The following GOLGA3 variants were observed in gnomAD, a reference collection of about 807,000 sequenced individuals.
The protein encoded by GOLGA3 is golgin A3, also known as golgin subfamily A member 3.
In GOLGA3, 75 loss-of-function variants were observed where a neutral mutation model predicts 169.4. That is an observed-to-expected ratio of 0.44 (90% CI 0.37 to 0.54). The LOEUF is 0.54. Among genes scored for constraint, GOLGA3 ranks in the 20% least tolerant of loss-of-function variants. The pLI, the probability that GOLGA3 is intolerant of heterozygous loss-of-function variation, is 0.00. For synonymous variants in GOLGA3, 824 were observed against 822.4 expected (o/e 1.00, Z -0.03); for missense variants, 1,899 against 1,930.0 (o/e 0.98, Z 0.30).
chr12:132,806,856 A>G (rs906533444), intron 6 of GOLGA3, among the ~76,000 whole-genome samples: 1 of 152,196 alleles, frequency 6.6e-6, no homozygotes, highest in Admixed American at 6.5e-5. Context: ...ACTACAAAGA[A>G]AAAAGGTTCA....
At chr12:132,782,615 GC>G in intron 16 of GOLGA3, 122 bp from the exon 17 acceptor site, 2 of 764,712 alleles carry the variant, frequency 2.6e-6, no homozygotes, top group Non-Finnish European at 4.5e-6. Flanking sequence ...AGAGGCTCAC[GC>G]CTGTAATCAC....
intron 6 of GOLGA3, among the ~76,000 whole-genome samples, chr12:132,805,641 C>A (rs986780777): frequency 5.9e-5 from 9 of 151,846 alleles, no homozygotes; most frequent in Admixed American, 4.6e-4. Context: ...GACCCCCAGG[C>A]GCTCTCCCAG....
At chr12:132,826,397 C>A (rs1011572389) in intron 1 of GOLGA3, among the ~76,000 whole-genome samples, 1 of 152,104 alleles carries the variant, frequency 6.6e-6, no homozygotes, top group Non-Finnish European at 1.5e-5. Context: ...CAGAGGAGAA[C>A]TGCTGCAGAG....
chr12:132,791,271 G>A lies in GOLGA3; in HGVS notation c.2492C>T (p.Thr831Ile), dbSNP rs1447149168. The A allele has an allele frequency of 6.2e-7, 1 of 1,605,602 alleles. No homozygotes were observed. The highest frequency in any genetic ancestry group is 2.2e-5 in the East Asian group (1 of 44,798). Residue 831 changes from threonine (T) to isoleucine (I), a missense_variant, in exon 12 of 24, where the codon ACT (threonine) becomes ATT (isoleucine). Thr to Ile is a moderately conservative substitution (Grantham distance 89). Coordinates refer to ENST00000450791, the MANE Select transcript of GOLGA3 (RefSeq NM_001389683.1). ...TTGCATTTGCTTTTTCAGAGCAGCA[G>A]TCTCCTGCTGCAGGTGTTCCACCTG... Reference protein sequence around the residue: ...SGQVEHLQQETAALKKQMQKI... With the variant: ...SGQVEHLQQEIAALKKQMQKI...
chr12:132,809,383 CAG>C (rs1566126764), intron 4 of GOLGA3, among the ~76,000 whole-genome samples: 2 of 152,090 alleles, frequency 1.3e-5, no homozygotes, highest in Non-Finnish European at 2.9e-5. Context: ...GGTGGAGGAG[CAG>C]AGTCTTCTCT....
rs1018248990 is a variant in GOLGA3 at position 132,770,078 on chromosome 12, C to T, written c.*3027G>A. The T allele has an allele frequency of 2.0e-5, 3 of 152,096 alleles. No individual in the cohort carries two copies. The highest frequency in any genetic ancestry group is 2.1e-4 in the South Asian group (1 of 4,800). The allele number at this position is 152,096 out of a possible 1,614,324, so 9.4% of individuals were successfully genotyped here. On this transcript the variant is annotated 3_prime_UTR_variant, in exon 24 of 24. Transcript: ENST00000450791. ...GTGGAACTCCACCCCTCTAAAAATA[C>T]AAAAATTAGGCTGGTGTGGTGGCGG...
chr12:132,781,631 G>A (rs906226687), intron 17 of GOLGA3, among the ~76,000 whole-genome samples: 1 of 152,098 alleles, frequency 6.6e-6, no homozygotes, highest in African/African-American at 2.4e-5. Context: ...CTGCAGCCGG[G>A]TACAAAAAGA....
intron 16 of GOLGA3, chr12:132,783,722 C>G (rs977259958): frequency 3.7e-6 from 1 of 273,528 alleles, no homozygotes; most frequent in Non-Finnish European, 6.7e-6. Context: ...GGACTACAGG[C>G]ACCCGCCACC....
Position 132,822,053 on chromosome 12 carries a change from C to T in GOLGA3, c.76G>A (p.Ala26Thr), listed in dbSNP as rs370638479. Residue 26 changes from alanine to threonine, a missense_variant, in exon 2 of 24, where the codon GCC becomes ACC. Transcript: ENST00000450791. ...AGTGGGCCCGGGGGCTTCAGTGGGG[C>T]CTCGGGGAGAGACGAGGGGCCACTG... Reference protein sequence around the residue: ...SHSGPSSLPEAPLKPPGPLVP... With the variant: ...SHSGPSSLPETPLKPPGPLVP... The T allele has an allele frequency of 4.4e-5, 71 of 1,606,700 alleles. No individual in the cohort carries two copies. Among genetic ancestry groups the T allele is most frequent in the African/African-American group, 6.7e-5 (5 of 74,220 alleles).
At chr12:132,799,025 A>C (rs1949007316) in intron 8 of GOLGA3, among the ~76,000 whole-genome samples, 1 of 152,220 alleles carries the variant, frequency 6.6e-6, no homozygotes, top group Non-Finnish European at 1.5e-5. Context: ...GGCGTCAGCC[A>C]AGGGAAGTAG....
intron 4 of GOLGA3, among the ~76,000 whole-genome samples, chr12:132,810,440 C>T (rs909717445): frequency 3.9e-5 from 6 of 152,098 alleles, no homozygotes; most frequent in African/African-American, 1.2e-4. Context: ...AATAGTTATA[C>T]CAGATATAGA....
intron 11 of GOLGA3, among the ~76,000 whole-genome samples, chr12:132,795,380 A>G (rs1043293602): frequency 1.3e-5 from 2 of 151,880 alleles, no homozygotes; most frequent in African/African-American, 4.8e-5. Context: ...TAATCCCAGC[A>G]CTGTGGGAGA....
At chr12:132,825,692 G>A in intron 1 of GOLGA3, 1 of 1,169,052 alleles carries the variant, frequency 8.6e-7, no homozygotes, top group Non-Finnish European at 1.3e-6. Flanking sequence ...TTTTTCAGTG[G>A]CCGGGAAGAT....
intron 23 of GOLGA3, 27 bp downstream of exon 23, chr12:132,774,130 G>T: frequency 6.5e-7 from 1 of 1,542,378 alleles, no homozygotes. Context: ...AAGACTAGCT[G>T]AAGTGCAGCA....
At chr12:132,828,513 G>C (rs1950518664) in intron 1 of GOLGA3, 1 of 152,334 alleles carries the variant, frequency 6.6e-6, no homozygotes. Flanking sequence ...AGTGGTGGCA[G>C]TGGACAGCTT....
rs150299403 is a variant in GOLGA3, at chr12:132,791,287, G to A, written c.2476C>T (p.His826Tyr). ...ELAIKSGQVE[H>Y]LQQETAALKK... ...AGAGCAGCAGTCTCCTGCTGCAGGT[G>A]TTCCACCTGTGGGAGACATGTGCAC... The change falls in exon 12 of 24, where the codon CAC (histidine) becomes TAC (tyrosine). Residue 826 changes from histidine to tyrosine, a missense_variant. By Grantham distance (83) the His-to-Tyr change is moderately conservative. Coordinates refer to ENST00000450791, the MANE Select transcript of GOLGA3 (RefSeq NM_001389683.1). The A allele has an allele frequency of 1.8e-4, 280 of 1,593,362 alleles. 1 individual carries two copies. Among genetic ancestry groups the A allele is most frequent in the Non-Finnish European group, 2.4e-4 (275 of 1,163,420 alleles).
At chr12:132,827,880 C>A (rs1423409204) in intron 1 of GOLGA3, 10 of 145,836 alleles carry the variant, frequency 6.9e-5, no homozygotes, top group African/African-American at 2.6e-4. Flanking sequence ...CCAGCCTGGG[C>A]AATACAGCAA....
chr12:132,786,217 G>T, intron 15 of GOLGA3, 122 bp downstream of exon 15: 1 of 656,684 alleles, frequency 1.5e-6, no homozygotes, highest in Non-Finnish European at 2.6e-6. Flanking sequence ...GGAGTTTAGA[G>T]AGTTGCCACC....
At chr12:132,826,120 A>G (rs933826508) in intron 1 of GOLGA3, 9 of 1,542,054 alleles carry the variant, frequency 5.8e-6, no homozygotes, top group Middle Eastern at 1.9e-4. Flanking sequence ...TGAGCAAGAC[A>G]GTGCACCTCA....
Sources: allele counts gnomAD v4.1 joint callset (sites outside exome capture counted in the v4.1 genomes callset), GRCh38; gene constraint gnomAD v4.1.1; transcripts MANE v1.5; gene names NCBI Gene and HGNC (gene_info 2026-07-23, HGNC 2026-07-21).